Variants in ZNF510 observed in about 807,000 individuals in gnomAD.
ZNF510 encodes the protein zinc finger protein 510.
A neutral mutation model predicts 18.1 loss-of-function variants in ZNF510; 15 were observed. The observed-to-expected ratio is 0.83, with a 90% CI of 0.55 to 1.28. The LOEUF (loss-of-function observed/expected upper bound fraction) is 1.28. Ranked by LOEUF, ZNF510 falls within the 50% of genes most tolerant of loss-of-function variation. ZNF510 has a pLI of 0.00. For synonymous variants in ZNF510, 261 were observed against 266.4 expected (o/e 0.98, Z 0.20); for missense variants, 724 against 791.8 (o/e 0.91, Z 1.03).
In ZNF510 at chr9:96,776,154, C is replaced by G; in HGVS notation, c.-85G>C. 1 of 1,531,936 alleles carries G rather than the reference C, an allele frequency of 6.5e-7. No individual in the cohort carries two copies. Among genetic ancestry groups the G allele is most frequent in the South Asian group, 1.2e-5 (1 of 80,354 alleles). The allele number at this position is 1,531,936 out of a possible 1,614,324, so 94.9% of individuals were successfully genotyped here. ...AAGACCTGCTCCTTTCTGGGTTCTT[C>G]TGCATCTGTTTGGAAGCCCTGGTGA... On this transcript the variant is annotated 5_prime_UTR_variant, in exon 2 of 6. Transcript: ENST00000223428.
intron 3 of ZNF510, 64 bp from the exon 4 acceptor site, chr9:96,763,696 T>C: frequency 1.4e-6 from 2 of 1,446,516 alleles, no homozygotes; most frequent in Non-Finnish European, 1.8e-6. Context: ...AAAATAGCCA[T>C]GAAAACAATT....
In ZNF510 at chr9:96,758,777, A is replaced by G. The variant is rs1165454248; in HGVS notation, c.*1T>C. 1 of 1,563,456 alleles carries G rather than the reference A, an allele frequency of 6.4e-7. No individual in the cohort carries two copies. The highest frequency in any genetic ancestry group is 8.6e-7 in the Non-Finnish European group (1 of 1,157,364). ...GTCAAAAGGATTTTCTAGTTATTAC[A>G]TCAATAGGGATTCCCCTCTCCCTGA... is the stretch of plus-strand genomic sequence containing the variant. On this transcript the variant is annotated 3_prime_UTR_variant, in exon 6 of 6. Transcript: ENST00000223428.
chr9:96,774,150 A>G (rs981889281), intron 3 of ZNF510, among the ~76,000 whole-genome samples: 1 of 152,226 alleles, frequency 6.6e-6, no homozygotes, highest in African/African-American at 2.4e-5. Flanking sequence ...AAATGCAGTA[A>G]TCTCCTGTAC....
chr9:96,765,070 G>A (rs990738305), intron 3 of ZNF510, among the ~76,000 whole-genome samples: 39 of 151,912 alleles, frequency 2.6e-4, no homozygotes, highest in Admixed American at 1.6e-3. Context: ...CTGAGATCGC[G>A]CCACTGCACT....
chr9:96,762,309 A>C (rs1344421552), intron 5 of ZNF510, among the ~76,000 whole-genome samples: 1 of 151,764 alleles, frequency 6.6e-6, no homozygotes, highest in Non-Finnish European at 1.5e-5. Flanking sequence ...GGAGATCAAG[A>C]CCATCCTGGC....
At position 96,759,681 on chromosome 9, in the gene ZNF510, C is replaced by A. The variant is rs139454408; in HGVS notation, c.1149G>T (p.Lys383Asn). Residue 383 changes from lysine (K) to asparagine (N), a missense_variant, in exon 6 of 6, where the codon AAG (lysine) becomes AAT (asparagine). Transcript: ENST00000223428. ...WVKSSEYHENKKSYQTSVHRV... is the reference protein window; with the variant it reads ...WVKSSEYHENNKSYQTSVHRV... ...TGTGAACCGACGTCTGGTAGGATTT[C>A]TTATTTTCATGATATTCAGAGGATT... 2.7e-4 allele frequency: 435 copies of A among 1,613,638 alleles called. No homozygotes were observed. The highest frequency in any genetic ancestry group is 3.4e-4 in the Non-Finnish European group (402 of 1,179,938).
At position 96,758,579 on chromosome 9, in the gene ZNF510, T is replaced by A. The variant is rs779208799; in HGVS notation, c.*199A>T. ...AGCCTGTCTGAATTCTTTGATACAC[T>A]CTGAAGGTTGCATTTTGGACACAAT... On this transcript the variant is annotated 3_prime_UTR_variant, in exon 6 of 6. Transcript: ENST00000223428. 1.7e-6 allele frequency: 1 copy of A among 582,034 alleles called. No individual in the cohort carries two copies. Among genetic ancestry groups the A allele is most frequent in the Non-Finnish European group, 2.9e-6 (1 of 341,724 alleles). 36.1% of individuals were successfully genotyped at this position (582,034 alleles called of 1,614,324 possible). A position where few individuals can be genotyped will look rare whatever the true frequency, so the allele number is the denominator to read the frequency against.
intron 3 of ZNF510, among the ~76,000 whole-genome samples, chr9:96,769,768 T>C (rs372466991): frequency 6.6e-6 from 1 of 152,192 alleles, no homozygotes; most frequent in Non-Finnish European, 1.5e-5. Context: ...AGGACTTGGA[T>C]AGACATTTCT....
intron 3 of ZNF510, among the ~76,000 whole-genome samples, chr9:96,774,165 A>G (rs1849641273): frequency 6.6e-6 from 1 of 152,256 alleles, no homozygotes; most frequent in African/African-American, 2.4e-5. Flanking sequence ...CTGTACTGCA[A>G]CAATGAAAAC....
chr9:96,764,433 TGA>T (rs1405605162), intron 3 of ZNF510, among the ~76,000 whole-genome samples: 7 of 152,226 alleles, frequency 4.6e-5, no homozygotes, highest in African/African-American at 1.4e-4. Flanking sequence ...ATTATAAGTG[TGA>T]GTCACTGTAC....
At chr9:96,769,058 T>A (rs575732061) in intron 3 of ZNF510, among the ~76,000 whole-genome samples, 124 of 152,074 alleles carry the variant, frequency 8.2e-4, no homozygotes, top group Non-Finnish European at 2.1e-4. Flanking sequence ...AGGAAAAAAA[T>A]AGTTTTCAAC....
rs748091251 is a variant in ZNF510, at chr9:96,759,533, C to T, written c.1297G>A (p.Glu433Lys). 5.0e-6 allele frequency: 8 copies of T among 1,613,454 alleles called. No individual in the cohort carries two copies. The highest frequency in any genetic ancestry group is 2.5e-6 in the Non-Finnish European group (3 of 1,179,836). ...AAAGTTTTTCCACATTCACTACATTCAAATGGTTTCTCTCCTGTGTGAGTT... is the reference window on the plus strand; with the variant it reads ...AAAGTTTTTCCACATTCACTACATTTAAATGGTTTCTCTCCTGTGTGAGTT... ...QRTHTGEKPF[E>K]CSECGKTFSQ... The change falls in exon 6 of 6, where the codon GAA becomes AAA. Residue 433 changes from glutamate to lysine, a missense_variant. Transcript: ENST00000223428.
intron 2 of ZNF510, among the ~76,000 whole-genome samples, chr9:96,775,697 A>G (rs1045620166): frequency 6.6e-6 from 1 of 152,196 alleles, no homozygotes; most frequent in Non-Finnish European, 1.5e-5. Flanking sequence ...TAAGGTTTTA[A>G]GAGTCAGAAA....
At position 96,758,301 on chromosome 9, in the gene ZNF510, G is replaced by C. The variant is rs1849243991; in HGVS notation, c.*477C>G. The C allele has an allele frequency of 6.5e-6, 1 of 154,546 alleles. No individual in the cohort carries two copies. 9.6% of individuals were successfully genotyped at this position (154,546 alleles called of 1,614,324 possible). A position where few individuals can be genotyped will look rare whatever the true frequency, so the allele number is the denominator to read the frequency against. ...AAATGATATCCATTTTGTTGTGACA[G>C]GGCCCTGGTAATTTATTAGGGAAGT... On this transcript the variant is annotated 3_prime_UTR_variant, in exon 6 of 6. Coordinates refer to ENST00000223428, the MANE Select transcript of ZNF510 (RefSeq NM_014930.3).
At chr9:96,775,466 G>C (rs774477345) in intron 2 of ZNF510, among the ~76,000 whole-genome samples, 15 of 152,066 alleles carry the variant, frequency 9.9e-5, no homozygotes, top group Non-Finnish European at 1.9e-4. Context: ...TTAATATTCT[G>C]TTAATATTAT....
intron 3 of ZNF510, among the ~76,000 whole-genome samples, chr9:96,765,595 C>G (rs1241700807): frequency 6.6e-6 from 1 of 151,910 alleles, no homozygotes; most frequent in African/African-American, 2.4e-5. Flanking sequence ...TCACTGCAAC[C>G]CCCGCCTCCC....
At chr9:96,761,216 G>A (rs1255371081) in intron 5 of ZNF510, among the ~76,000 whole-genome samples, 1 of 152,142 alleles carries the variant, frequency 6.6e-6, no homozygotes, top group Non-Finnish European at 1.5e-5. Context: ...AGAACTAAGT[G>A]CTAAGTGAAC....
In ZNF510 at chr9:96,755,325, C is replaced by G. The variant is rs1276341743; in HGVS notation, c.*3453G>C. Among the ~76,000 whole-genome samples the G allele has an allele frequency of 1.3e-5, 2 of 152,154 alleles. No homozygotes were observed. The highest frequency in any genetic ancestry group is 2.9e-5 in the Non-Finnish European group (2 of 68,014). ...TGAGTAAAAAAAGTTTAAAGACAGACTTGCTTTATATTAGGAAGTATTACA... is the reference window on the plus strand; with the variant it reads ...TGAGTAAAAAAAGTTTAAAGACAGAGTTGCTTTATATTAGGAAGTATTACA... On this transcript the variant is annotated 3_prime_UTR_variant, in exon 6 of 6. Transcript: ENST00000223428.
At chr9:96,762,333 C>A (rs1415638885) in intron 5 of ZNF510, among the ~76,000 whole-genome samples, 3 of 151,306 alleles carry the variant, frequency 2.0e-5, no homozygotes, top group Non-Finnish European at 4.4e-5. Context: ...CATGGTGAAA[C>A]CCTGTCTCTA....
Sources: gnomAD v4.1 joint callset for allele counts (sites outside exome capture counted in the v4.1 genomes callset) on GRCh38, gnomAD v4.1.1 for gene constraint, MANE v1.5 for transcripts, NCBI Gene and HGNC (gene_info 2026-07-23, HGNC 2026-07-21) for gene names.